Variants in STS observed in about 807,000 individuals in gnomAD.
The protein encoded by STS is steryl-sulfatase.
Under a neutral mutation model 26.8 loss-of-function variants are expected in STS, and 7 were observed. That is an observed-to-expected ratio of 0.26 (90% CI 0.15 to 0.49). The LOEUF (loss-of-function observed/expected upper bound fraction) is 0.49. Among genes scored for constraint, STS ranks in the 20% least tolerant of loss-of-function variants. The pLI, the probability that STS is intolerant of heterozygous loss-of-function variation, is 0.98. For missense variants in STS, 434 were observed against 465.6 expected, an observed-to-expected ratio of 0.93 and a Z score of 0.63; for synonymous variants, 199 against 189.4, an observed-to-expected ratio of 1.05 and a Z score of -0.42.
intron 1 of STS, among the ~76,000 whole-genome samples, chrX:7,185,755 G>A (rs1288886933): frequency 1.8e-5 from 2 of 112,281 alleles, no homozygotes; most frequent in Non-Finnish European, 3.8e-5. Context: ...GTCTGCTACT[G>A]GTATGCTTGT....
chrX:7,181,884 G>A (rs765272157), intron 1 of STS, among the ~76,000 whole-genome samples: 164 of 111,665 alleles, frequency 1.5e-3, no homozygotes, highest in African/African-American at 4.9e-3. Context: ...CCAGGAGTTA[G>A]AGACCAGCCT....
intron 2 of STS, among the ~76,000 whole-genome samples, chrX:7,207,673 C>T (rs993524153): frequency 9.0e-6 from 1 of 111,662 alleles, no homozygotes; most frequent in East Asian, 2.8e-4. Flanking sequence ...TGTCATAAAC[C>T]AATTTTGAGC....
chrX:7,302,868 C>A (rs142038008), intron 7 of STS, among the ~76,000 whole-genome samples: 2 of 111,337 alleles, frequency 1.8e-5, no homozygotes, highest in African/African-American at 3.3e-5. Context: ...AGGATGCCTG[C>A]GGCCATTGTA....
intron 2 of STS, 120 bp from the exon 3 acceptor site, chrX:7,253,076 A>T: frequency 1.2e-6 from 1 of 843,257 alleles, no homozygotes; most frequent in Non-Finnish European, 1.7e-6. Flanking sequence ...GCTTAAACCC[A>T]GGACTTCAAG....
In STS at chrX:7,280,338, A is replaced by C. The variant is rs550380921; in HGVS notation, c.943+4251A>C. 4.5e-5 allele frequency among the ~76,000 whole-genome samples: 5 copies of C among 111,942 alleles called. No individual in the cohort carries two copies. The South Asian group carries it at 1.1e-3, about 25-fold the overall frequency. On this transcript the variant is annotated intron_variant, in intron 7 of 10. Coordinates refer to ENST00000674429, the MANE Select transcript of STS (RefSeq NM_001320752.2). ...AGGGAGGTGCAGATAAAGTGCTTGA[A>C]CAGTTTGGAAGCAGGAAGGGCAGTG...
At chrX:7,311,291 A>G (rs150441203) in intron 8 of STS, among the ~76,000 whole-genome samples, 3 of 110,473 alleles carry the variant, frequency 2.7e-5, no homozygotes, top group Admixed American at 9.6e-5. Context: ...CATAGTGTCA[A>G]TGTACTCTAT....
At chrX:7,340,304 C>T (rs181571354) in intron 10 of STS, among the ~76,000 whole-genome samples, 3 of 111,813 alleles carry the variant, frequency 2.7e-5, no homozygotes, top group African/African-American at 9.7e-5. Context: ...TCTAACCCCC[C>T]GCCAGATTTG....
Position 7,180,615 on chromosome X carries a change from T to C in STS, c.-133-10265T>C, listed in dbSNP as rs980576707. Among the ~76,000 whole-genome samples, 3 of 111,690 alleles carry C rather than the reference T, an allele frequency of 2.7e-5. No individual in the cohort carries two copies. The Admixed American group carries it at 2.9e-4, about 11-fold the overall frequency. ...GGAAACAGCCTTGACTCTCACATTC[T>C]CCAAAGCTCGCAGGCAAAAATTGGA... On this transcript the variant is annotated intron_variant, in intron 1 of 10. Transcript: ENST00000674429.
chrX:7,151,916 GA>G (rs1362098664), intron 1 of STS, among the ~76,000 whole-genome samples: 1 of 111,796 alleles, frequency 8.9e-6, no homozygotes, highest in Non-Finnish European at 1.9e-5. Flanking sequence ...TCATTGTGGG[GA>G]GGGGGCTTAG....
At chrX:7,294,984 A>G (rs1925595863) in intron 7 of STS, among the ~76,000 whole-genome samples, 1 of 112,078 alleles carries the variant, frequency 8.9e-6, no homozygotes, top group South Asian at 3.7e-4. Flanking sequence ...AAAGTTAAAC[A>G]AGGGATGTGG....
At chrX:7,329,149 C>T (rs922912629) in intron 9 of STS, among the ~76,000 whole-genome samples, 2 of 112,418 alleles carry the variant, frequency 1.8e-5, no homozygotes, top group Non-Finnish European at 3.8e-5. Context: ...ATAGAATTAT[C>T]ACACAGTACC....
chrX:7,321,039 T>C (rs1291151183), intron 8 of STS, among the ~76,000 whole-genome samples: 1 of 111,030 alleles, frequency 9.0e-6, no homozygotes, highest in Non-Finnish European at 1.9e-5. Context: ...CCATCAACAG[T>C]GGACTAGATA....
At chrX:7,347,665 T>G (rs1206670215) in intron 10 of STS, among the ~76,000 whole-genome samples, 1 of 111,618 alleles carries the variant, frequency 9.0e-6, no homozygotes, top group African/African-American at 3.3e-5. Context: ...TCCTGGGGTT[T>G]TAAACACAAA....
At chrX:7,170,742 C>G (rs936037092) in intron 1 of STS, among the ~76,000 whole-genome samples, 1 of 111,085 alleles carries the variant, frequency 9.0e-6, no homozygotes, top group Non-Finnish European at 1.9e-5. Context: ...GCCTCAGCCT[C>G]CCAAAGCACT....
intron 1 of STS, among the ~76,000 whole-genome samples, chrX:7,186,753 G>GCATTGTAAATATTTCCGGGAATAAACT: frequency 8.9e-6 from 1 of 112,408 alleles, no homozygotes; most frequent in East Asian, 2.8e-4. Context: ...TATTTGATCA[G>GCATTGTAAATATTTCCGGGAATAAACT]CATTGTAAAT....
chrX:7,253,137 C>T, intron 2 of STS, 59 bp from the exon 3 acceptor site: 1 of 1,191,939 alleles, frequency 8.4e-7, no homozygotes, highest in Non-Finnish European at 1.1e-6. Flanking sequence ...GGCAACAGAG[C>T]AAAACCTTGT....
intron 7 of STS, among the ~76,000 whole-genome samples, chrX:7,283,722 A>C (rs1253137531): frequency 1.8e-5 from 2 of 111,283 alleles, no homozygotes; most frequent in African/African-American, 3.3e-5. Flanking sequence ...GGGCAGTGGA[A>C]TTTGAGTGAT....
intron 7 of STS, among the ~76,000 whole-genome samples, chrX:7,300,044 C>T (rs1293063536): frequency 9.0e-6 from 1 of 111,693 alleles, no homozygotes; most frequent in African/African-American, 3.3e-5. Flanking sequence ...AATGGAATGA[C>T]AGAACTTTCT....
chrX:7,150,135 A>T (rs1056627411), intron 1 of STS, among the ~76,000 whole-genome samples: 5 of 112,181 alleles, frequency 4.5e-5, no homozygotes, highest in African/African-American at 1.6e-4. Flanking sequence ...ATGGATGCAC[A>T]CATGTCAGAG....
Sources: allele counts gnomAD v4.1 joint callset (sites outside exome capture counted in the v4.1 genomes callset), GRCh38; gene constraint gnomAD v4.1.1; transcripts MANE v1.5; gene names NCBI Gene and HGNC (gene_info 2026-07-23, HGNC 2026-07-21).